The following C10orf105 variants were observed in gnomAD, a reference collection of about 807,000 sequenced individuals.
C10orf105 encodes chromosome 10 open reading frame 105.
In C10orf105, 2 loss-of-function variants were observed where a neutral mutation model predicts 0.6. That is an observed-to-expected ratio of 3.18 (90% CI 1.30 to 10.01). C10orf105 has a LOEUF of 10.01. C10orf105 is among the 30% of genes most tolerant of loss of function. The pLI, the probability that C10orf105 is intolerant of heterozygous loss-of-function variation, is 0.04. For missense variants in C10orf105, 209 were observed against 191.4 expected, an observed-to-expected ratio of 1.09 and a Z score of -0.54; for synonymous variants, 95 against 82.4, an observed-to-expected ratio of 1.15 and a Z score of -0.83.
At position 71,712,977 on chromosome 10, in the gene C10orf105, C is replaced by T. The variant is rs1246665382; in HGVS notation, c.*2959G>A. 3.5e-6 allele frequency: 3 copies of T among 848,342 alleles called. No homozygotes were observed. Among genetic ancestry groups the T allele is most frequent in the Non-Finnish European group, 5.8e-6 (3 of 513,874 alleles). 52.6% of individuals were successfully genotyped at this position (848,342 alleles called of 1,614,324 possible). A position where few individuals can be genotyped will look rare whatever the true frequency, so the allele number is the denominator to read the frequency against. On this transcript the variant is annotated 3_prime_UTR_variant, in exon 2 of 2. Transcript: ENST00000441508. ...CTGTGGGGAAAGGGGGACCCAGGCC[C>T]TCTCCCATCCCAGGGAGTGTGGGCC...
chr10:71,730,695 A>G, intron 1 of C10orf105: 1 of 1,546,538 alleles, frequency 6.5e-7, no homozygotes, highest in South Asian at 1.2e-5. Flanking sequence ...GTCATCCCTG[A>G]TGCTTCAGGC....
chr10:71,727,979 C>T (rs976555889), intron 1 of C10orf105, among the ~76,000 whole-genome samples: 1 of 152,178 alleles, frequency 6.6e-6, no homozygotes, highest in Non-Finnish European at 1.5e-5. Context: ...TGTAGCCAGA[C>T]TCATGGAGGA....
rs111332775 is a variant in C10orf105, at chr10:71,730,402, G to A, written c.-6+7326C>T. ...GTGACCACACAAGGCGGCCACAGTG[G>A]GCCAAGCCCTGGGCTTCCCAGCCTC... On this transcript the variant is annotated intron_variant, in intron 1 of 1. Coordinates refer to the C10orf105 transcript ENST00000398786. 4.6e-3 allele frequency: 7,231 copies of A among 1,575,418 alleles called. 21 individuals are homozygous for A. The highest frequency in any genetic ancestry group is 5.5e-3 in the Non-Finnish European group (6,407 of 1,160,438).
chr10:71,731,877 C>T (rs1839402126), intron 1 of C10orf105: 1 of 1,176,582 alleles, frequency 8.5e-7, no homozygotes, highest in African/African-American at 1.5e-5. Context: ...GGTGGGGCAG[C>T]CCATGCTGGG....
chr10:71,718,038 G>A (rs1334982666), intron 1 of C10orf105: 1 of 152,168 alleles, frequency 6.6e-6, no homozygotes, highest in East Asian at 1.9e-4. Flanking sequence ...AATCCCAGGG[G>A]GTCTGATAAA....
At chr10:71,734,706 A>G (rs1746270474) in intron 1 of C10orf105, 4 of 1,284,102 alleles carry the variant, frequency 3.1e-6, no homozygotes, top group Admixed American at 1.9e-5. Context: ...GGCTGTGGCC[A>G]GTGCTGGCCG....
chr10:71,718,660 G>A (rs1866405310), intron 1 of C10orf105, among the ~76,000 whole-genome samples: 1 of 152,250 alleles, frequency 6.6e-6, no homozygotes, highest in South Asian at 2.1e-4. Flanking sequence ...AATGGGAGAT[G>A]CCTCAATCCT....
Position 71,713,443 on chromosome 10 carries a change from CAG to C in C10orf105, c.*2491_*2492del. 1.7e-6 allele frequency: 1 copy of C among 599,400 alleles called. No individual in the cohort carries two copies. Among genetic ancestry groups the C allele is most frequent in the East Asian group, 2.8e-5 (1 of 36,044 alleles). The allele number at this position is 599,400 out of a possible 1,614,324, so 37.1% of individuals were successfully genotyped here. A position where few individuals can be genotyped will look rare whatever the true frequency, so the allele number is the denominator to read the frequency against. On this transcript the variant is annotated 3_prime_UTR_variant, in exon 2 of 2. Coordinates refer to ENST00000441508, the MANE Select transcript of C10orf105 (RefSeq NM_001164375.3). Reference sequence around the variant, plus strand: ...TTTCCGACTCGGAGGCTGAGCCAAACAGGGAATCTGGGCCTGCCCACTGGGGC... The same window carrying C: ...TTTCCGACTCGGAGGCTGAGCCAAACGGAATCTGGGCCTGCCCACTGGGGC...
chr10:71,732,555 T>A (rs1839428154), intron 1 of C10orf105: 1 of 1,317,286 alleles, frequency 7.6e-7, no homozygotes, highest in Admixed American at 2.5e-5. Context: ...TTGCTTCAGC[T>A]CAGGAGTTTG....
At chr10:71,721,304 G>A (rs549402039), upstream of C10orf105, among the ~76,000 whole-genome samples, 53 of 152,280 alleles carry the variant, frequency 3.5e-4, 1 homozygote, top group South Asian at 0.01. Context: ...AGAACTGCAC[G>A]GCAAGGGGCA....
intron 1 of C10orf105, among the ~76,000 whole-genome samples, chr10:71,725,095 C>T (rs1368749993): frequency 6.6e-6 from 1 of 152,172 alleles, no homozygotes; most frequent in Non-Finnish European, 1.5e-5. Flanking sequence ...AGGAGCCCCA[C>T]CTGCTGGGGA....
chr10:71,729,055 G>A (rs1866942419), intron 1 of C10orf105, among the ~76,000 whole-genome samples: 1 of 151,842 alleles, frequency 6.6e-6, no homozygotes, highest in East Asian at 1.9e-4. Context: ...GGCTGGTCTC[G>A]AATGCCTGGG....
In C10orf105 at chr10:71,712,468, C is replaced by T. The variant is rs1866011639; in HGVS notation, c.*3468G>A. On this transcript the variant is annotated 3_prime_UTR_variant, in exon 2 of 2. Coordinates refer to ENST00000441508, the MANE Select transcript of C10orf105 (RefSeq NM_001164375.3). ...CTGAATGGGTTAGAAGAATGGCTGGCACATGGTGTTATCTAAGTATTTGAT... is the reference window on the plus strand; with the variant it reads ...CTGAATGGGTTAGAAGAATGGCTGGTACATGGTGTTATCTAAGTATTTGAT... 5.1e-6 allele frequency: 3 copies of T among 588,170 alleles called. No individual in the cohort carries two copies. The highest frequency in any genetic ancestry group is 3.0e-5 in the Admixed American group (1 of 33,692). 36.4% of individuals were successfully genotyped at this position (588,170 alleles called of 1,614,324 possible). A position where few individuals can be genotyped will look rare whatever the true frequency, so the allele number is the denominator to read the frequency against.
At chr10:71,722,026 C>T (rs201271433), upstream of C10orf105, among the ~76,000 whole-genome samples, 3 of 152,248 alleles carry the variant, frequency 2.0e-5, no homozygotes, top group East Asian at 3.8e-4. Flanking sequence ...ACCTTCACTG[C>T]TTTCTTGATC....
At chr10:71,727,231 G>A (rs1480692284) in intron 1 of C10orf105, among the ~76,000 whole-genome samples, 1 of 152,214 alleles carries the variant, frequency 6.6e-6, no homozygotes, top group Non-Finnish European at 1.5e-5. Flanking sequence ...GGGTCACACA[G>A]CGGTAAGGGT....
In C10orf105 at chr10:71,712,658, C is replaced by T. The variant is rs776427467; in HGVS notation, c.*3278G>A. 4.3e-6 allele frequency: 7 copies of T among 1,612,890 alleles called. No homozygotes were observed. The East Asian group carries it at 1.1e-4, about 26-fold the overall frequency. On this transcript the variant is annotated 3_prime_UTR_variant, in exon 2 of 2. Coordinates refer to ENST00000441508, the MANE Select transcript of C10orf105 (RefSeq NM_001164375.3). ...TGCTAACACCTGTCTTCCTTCAACT[C>T]CCACAGACAACGGCCCTGTAGGGAA...
At chr10:71,724,121 C>T (rs1564758785), upstream of C10orf105, 1 of 1,553,954 alleles carries the variant, frequency 6.4e-7, no homozygotes, top group Non-Finnish European at 8.7e-7. Context: ...TGGGGCTGCC[C>T]TAGGATGGGG....
intron 1 of C10orf105, among the ~76,000 whole-genome samples, chr10:71,718,606 A>C (rs1341013160): frequency 6.6e-6 from 1 of 152,208 alleles, no homozygotes; most frequent in East Asian, 1.9e-4. Flanking sequence ...CCTCTCTCCT[A>C]CCCTGGACAA....
chr10:71,734,969 G>A (rs1839516569), intron 1 of C10orf105, among the ~76,000 whole-genome samples: 2 of 152,252 alleles, frequency 1.3e-5, no homozygotes, highest in Non-Finnish European at 2.9e-5. Flanking sequence ...CGATGGCTGT[G>A]TGACACAGGC....
Sources: gnomAD v4.1 joint callset for allele counts (sites outside exome capture counted in the v4.1 genomes callset) on GRCh38, gnomAD v4.1.1 for gene constraint, MANE v1.5 for transcripts, NCBI Gene and HGNC (gene_info 2026-07-23, HGNC 2026-07-21) for gene names.